Variants in OSTM1 observed in about 807,000 individuals in gnomAD.
The protein encoded by OSTM1 is osteoclastogenesis associated transmembrane protein 1, also known as osteopetrosis-associated transmembrane protein 1.
Under a neutral mutation model 35.4 loss-of-function variants are expected in OSTM1, and 26 were observed. The ratio of observed to expected loss-of-function variants is 0.73; its 90% confidence interval spans 0.54 to 1.02. The LOEUF is 1.02. Among genes scored for constraint, OSTM1 ranks in the 50% least tolerant of loss-of-function variants. OSTM1 has a pLI of 0.00. For synonymous variants in OSTM1, 181 were observed against 165.0 expected (o/e 1.10, Z -0.75); for missense variants, 366 against 409.6 (o/e 0.89, Z 0.92).
chr6:108,063,296 C>A (rs899710864), intron 2 of OSTM1, among the ~76,000 whole-genome samples: 5 of 152,188 alleles, frequency 3.3e-5, no homozygotes, highest in Admixed American at 6.5e-5. Context: ...GGATTACAGG[C>A]GTGAGCCGCC....
chr6:108,046,404 C>T (rs1271083444), intron 5 of OSTM1, among the ~76,000 whole-genome samples: 5 of 148,860 alleles, frequency 3.4e-5, no homozygotes, highest in African/African-American at 7.5e-5. Context: ...TGCAGTGGCG[C>T]GATCTCAGCT....
rs758128374 is a variant in OSTM1 at position 108,054,556 on chromosome 6, T to G, written c.549A>C (p.Ser183=). The change falls in exon 3 of 6, where the codon TCA becomes TCC. Residue 183 remains serine (S), a synonymous_variant. Transcript: ENST00000193322. ...GATTAAGGAAATATACTGTGCTGTT[T>G]GATAATTCTTCACTGTTGTTTGTTA... ...NCLTNNSEEL[S]NSTVYFLNLF... 1.3e-6 allele frequency: 2 copies of G among 1,572,044 alleles called. No individual in the cohort carries two copies. The highest frequency in any genetic ancestry group is 1.7e-6 in the Non-Finnish European group (2 of 1,144,250).
chr6:108,047,242 T>TG (rs2114589167), intron 5 of OSTM1, among the ~76,000 whole-genome samples: 1 of 152,294 alleles, frequency 6.6e-6, no homozygotes, highest in African/African-American at 2.4e-5. Flanking sequence ...AGCTAAGACC[T>TG]GGCTTGCAAG....
chr6:108,058,079 A>T (rs1340376740), intron 2 of OSTM1, among the ~76,000 whole-genome samples: 2 of 146,882 alleles, frequency 1.4e-5, no homozygotes, highest in African/African-American at 5.1e-5. Context: ...AGACAGAAGA[A>T]TCTCACTGTC....
intron 5 of OSTM1, among the ~76,000 whole-genome samples, chr6:108,047,176 A>G (rs1336739126): frequency 6.6e-6 from 1 of 152,218 alleles, no homozygotes; most frequent in Non-Finnish European, 1.5e-5. Flanking sequence ...ACAAATGGAG[A>G]GGTGTATTCT....
At chr6:108,071,012 C>T (rs1225396091) in intron 1 of OSTM1, among the ~76,000 whole-genome samples, 1 of 149,234 alleles carries the variant, frequency 6.7e-6, no homozygotes, top group East Asian at 2.0e-4. Context: ...CACGGTGAAA[C>T]CCCGTCTTTA....
rs998848985 is a variant in OSTM1 at position 108,042,016 on chromosome 6, C to A, written c.*2769G>T. ...TCATGTCTTTGGCCAGGAATGCAAT[C>A]CTAATTAGCATTGTTCCAGGAAAAC... is the stretch of plus-strand genomic sequence containing the variant. On this transcript the variant is annotated 3_prime_UTR_variant, in exon 6 of 6. Transcript: ENST00000193322. 5 of 152,192 alleles carry A rather than the reference C, an allele frequency of 3.3e-5. No homozygotes were observed. The highest frequency in any genetic ancestry group is 7.4e-5 in the Non-Finnish European group (5 of 68,010). The allele number at this position is 152,192 out of a possible 1,614,324, so 9.4% of individuals were successfully genotyped here.
At chr6:108,071,287 C>T (rs1437325189) in intron 1 of OSTM1, among the ~76,000 whole-genome samples, 1 of 151,436 alleles carries the variant, frequency 6.6e-6, no homozygotes, top group Non-Finnish European at 1.5e-5. Context: ...CACATTTTTC[C>T]ATAGGTTTTT....
rs978661347 is a variant in OSTM1 at position 108,042,268 on chromosome 6, C to T, written c.*2517G>A. On this transcript the variant is annotated 3_prime_UTR_variant, in exon 6 of 6. Transcript: ENST00000193322. The stretch of plus-strand genomic sequence containing the variant: ...GCAACATAGTGAGACACTGTCTCTA[C>T]AAAAAAAAAAAAAAAAAAAATTAAT... The T allele has an allele frequency of 7.8e-5, 5 of 64,104 alleles. No homozygotes were observed. The highest frequency in any genetic ancestry group is 4.1e-4 in the East Asian group (1 of 2,454). The allele number at this position is 64,104 out of a possible 1,614,324, so 4.0% of individuals were successfully genotyped here. A position where few individuals can be genotyped will look rare whatever the true frequency, so the allele number is the denominator to read the frequency against.
At chr6:108,070,983 T>C (rs2114612678) in intron 1 of OSTM1, among the ~76,000 whole-genome samples, 1 of 149,718 alleles carries the variant, frequency 6.7e-6, no homozygotes, top group East Asian at 2.0e-4. Flanking sequence ...GGTCAGGAGA[T>C]TGAGACCATC....
intron 1 of OSTM1, among the ~76,000 whole-genome samples, chr6:108,065,574 T>A (rs1312578851): frequency 6.6e-6 from 1 of 152,116 alleles, no homozygotes; most frequent in Non-Finnish European, 1.5e-5. Flanking sequence ...TAATATTGTA[T>A]TAATACAAGC....
intron 4 of OSTM1, among the ~76,000 whole-genome samples, chr6:108,050,183 G>C (rs555772163): frequency 6.6e-6 from 1 of 151,882 alleles, no homozygotes; most frequent in South Asian, 2.1e-4. Flanking sequence ...ACTGAATAGT[G>C]AACAAAAAAA....
chr6:108,071,696 G>A (rs1005632941), intron 1 of OSTM1, among the ~76,000 whole-genome samples: 3 of 152,038 alleles, frequency 2.0e-5, no homozygotes, highest in Non-Finnish European at 4.4e-5. Context: ...CCTCAGAACT[G>A]TAGATGTCAC....
At chr6:108,055,184 T>G (rs574723018) in intron 2 of OSTM1, among the ~76,000 whole-genome samples, 15 of 152,368 alleles carry the variant, frequency 9.8e-5, no homozygotes, top group African/African-American at 3.1e-4. Context: ...AAATCCTACA[T>G]AAATGGTATT....
chr6:108,051,970 T>A (rs1478438636), intron 3 of OSTM1, among the ~76,000 whole-genome samples: 1 of 152,200 alleles, frequency 6.6e-6, no homozygotes, highest in Middle Eastern at 3.2e-3. Flanking sequence ...GAATATTAAC[T>A]GAACATTGGG....
intron 2 of OSTM1, among the ~76,000 whole-genome samples, chr6:108,060,239 G>A (rs1392330511): frequency 2.0e-5 from 3 of 152,058 alleles, no homozygotes; most frequent in African/African-American, 7.2e-5. Flanking sequence ...CATTTTATTT[G>A]GTCCTCAGAA....
At chr6:108,067,168 AG>A (rs1239533349) in intron 1 of OSTM1, among the ~76,000 whole-genome samples, 2 of 138,660 alleles carry the variant, frequency 1.4e-5, no homozygotes, top group Admixed American at 1.7e-4. Context: ...CCACTCTCCC[AG>A]AAACTCTGAT....
intron 1 of OSTM1, among the ~76,000 whole-genome samples, chr6:108,072,908 C>A (rs887320943): frequency 6.6e-6 from 1 of 152,056 alleles, no homozygotes; most frequent in African/African-American, 2.4e-5. Context: ...CAGACGTGTA[C>A]CGCAATTCTT....
chr6:108,045,178 C>A (rs1347687503), intron 5 of OSTM1, among the ~76,000 whole-genome samples: 1 of 152,074 alleles, frequency 6.6e-6, no homozygotes, highest in African/African-American at 2.4e-5. Context: ...CAAAATTATA[C>A]ATCTAAAAGT....
Sources: allele counts gnomAD v4.1 joint callset (sites outside exome capture counted in the v4.1 genomes callset), GRCh38; gene constraint gnomAD v4.1.1; transcripts MANE v1.5; gene names NCBI Gene and HGNC (gene_info 2026-07-23, HGNC 2026-07-21).